Variants in DESI2 observed in about 807,000 individuals in gnomAD.
DESI2 encodes the protein desumoylating isopeptidase 2.
A neutral mutation model predicts 24.1 loss-of-function variants in DESI2; 10 were observed. That is an observed-to-expected ratio of 0.41 (90% CI 0.26 to 0.70). DESI2 has a LOEUF of 0.70. DESI2 is among the 30% of genes least tolerant of loss of function. The pLI is 0.29. For synonymous variants in DESI2, 71 were observed against 87.7 expected (o/e 0.81, Z 1.06); for missense variants, 122 against 234.9 (o/e 0.52, Z 3.14).
chr1:244,683,398 G>A (rs370866953), intron 1 of DESI2, among the ~76,000 whole-genome samples: 9 of 151,098 alleles, frequency 6.0e-5, no homozygotes, highest in South Asian at 4.2e-4. Flanking sequence ...TGCAAGCTCC[G>A]CCTCCCAGGT....
chr1:244,666,618 A>AG (rs1676055593), intron 1 of DESI2, among the ~76,000 whole-genome samples: 1 of 152,204 alleles, frequency 6.6e-6, no homozygotes, highest in South Asian at 2.1e-4. Flanking sequence ...GTGAACAAGA[A>AG]CTGTTTTAAT....
In DESI2 at chr1:244,683,360, G is replaced by A. The variant is rs547933542; in HGVS notation, c.43-3237G>A. 3.9e-5 allele frequency among the ~76,000 whole-genome samples: 6 copies of A among 151,946 alleles called. No individual in the cohort carries two copies. In the East Asian group the frequency reaches 1.2e-3, roughly 29 times the overall value. On this transcript the variant is annotated intron_variant, in intron 1 of 4. Transcript: ENST00000302550. ...AGAGTCTCGCTCTGTCGCCCAGGCT[G>A]GAGTGCAGTGGCGTGATCTCGGCTC... is the stretch of plus-strand genomic sequence containing the variant.
At chr1:244,685,903 G>C (rs1288522009) in intron 1 of DESI2, among the ~76,000 whole-genome samples, 1 of 152,036 alleles carries the variant, frequency 6.6e-6, no homozygotes, top group Non-Finnish European at 1.5e-5. Context: ...TATAACCTAT[G>C]TACATCCTCT....
At chr1:244,686,564 G>A (rs767647655) in intron 1 of DESI2, 33 bp from the exon 2 acceptor site, 7 of 1,394,790 alleles carry the variant, frequency 5.0e-6, no homozygotes, top group South Asian at 4.6e-5. Context: ...AAATGAACAG[G>A]TATTCTGAAT....
At chr1:244,699,688 A>AT (rs1677365635) in intron 4 of DESI2, among the ~76,000 whole-genome samples, 1 of 151,210 alleles carries the variant, frequency 6.6e-6, no homozygotes, top group Admixed American at 6.6e-5. Context: ...GTAGAGGACA[A>AT]TTTTTTAAAT....
At chr1:244,691,164 C>G (rs913742937) in intron 3 of DESI2, among the ~76,000 whole-genome samples, 5 of 152,262 alleles carry the variant, frequency 3.3e-5, no homozygotes, top group Admixed American at 6.5e-5. Context: ...TCTCGGCTCA[C>G]TGCAACCTCT....
At chr1:244,673,380 C>T (rs1453984357) in intron 1 of DESI2, among the ~76,000 whole-genome samples, 1 of 152,218 alleles carries the variant, frequency 6.6e-6, no homozygotes, top group African/African-American at 2.4e-5. Flanking sequence ...ATATTCTAAA[C>T]ATTTATTCAG....
intron 4 of DESI2, among the ~76,000 whole-genome samples, chr1:244,700,531 G>T (rs567206178): frequency 2.0e-5 from 3 of 152,158 alleles, no homozygotes; most frequent in African/African-American, 7.2e-5. Context: ...CCTCAGAACT[G>T]TTTCCTTCTA....
Position 244,698,322 on chromosome 1 carries a change from G to A in DESI2, c.351+6302G>A, listed in dbSNP as rs143185900. Among the ~76,000 whole-genome samples, 74 of 152,232 alleles carry A rather than the reference G, an allele frequency of 4.9e-4. 2 individuals carry two copies. In the East Asian group the frequency reaches 0.014, roughly 29 times the overall value. On this transcript the variant is annotated intron_variant, in intron 4 of 4. Transcript: ENST00000302550. ...ATATTTACTATGATTTTTGCCCATT[G>A]GAGCCTCTGGAAAAAGGAAGACATA...
intron 3 of DESI2, among the ~76,000 whole-genome samples, chr1:244,690,911 C>T (rs1168510700): frequency 2.0e-5 from 3 of 152,182 alleles, no homozygotes; most frequent in Non-Finnish European, 2.9e-5. Flanking sequence ...GATTTTCGCA[C>T]GTAAGTGCTA....
At chr1:244,690,582 G>A (rs1440696344) in intron 3 of DESI2, among the ~76,000 whole-genome samples, 1 of 151,954 alleles carries the variant, frequency 6.6e-6, no homozygotes, top group Non-Finnish European at 1.5e-5. Context: ...GTACATGCCT[G>A]TAATCCCAGC....
chr1:244,661,556 C>T (rs897005596), intron 1 of DESI2, among the ~76,000 whole-genome samples: 3 of 152,060 alleles, frequency 2.0e-5, no homozygotes, highest in Admixed American at 1.3e-4. Flanking sequence ...CTATCCCTCC[C>T]CGCTCCCCCC....
intron 1 of DESI2, among the ~76,000 whole-genome samples, chr1:244,669,618 C>T (rs995579112): frequency 1.3e-5 from 2 of 152,074 alleles, no homozygotes; most frequent in South Asian, 2.1e-4. Context: ...GCAGAGGTTG[C>T]GGTGAGCCAA....
At chr1:244,685,797 A>G (rs983668750) in intron 1 of DESI2, among the ~76,000 whole-genome samples, 1 of 152,230 alleles carries the variant, frequency 6.6e-6, no homozygotes, top group African/African-American at 2.4e-5. Context: ...TGTTTTGTTT[A>G]GTGAGCTCTT....
intron 1 of DESI2, among the ~76,000 whole-genome samples, chr1:244,679,781 C>T (rs993672515): frequency 9.5e-5 from 14 of 146,794 alleles, no homozygotes; most frequent in Non-Finnish European, 1.6e-4. Context: ...GCACAAGAAT[C>T]GCTCGAACCT....
At chr1:244,686,564 G>C in intron 1 of DESI2, 33 bp from the exon 2 acceptor site, 1 of 1,394,790 alleles carries the variant, frequency 7.2e-7, no homozygotes, top group Non-Finnish European at 1.0e-6. Flanking sequence ...AAATGAACAG[G>C]TATTCTGAAT....
At chr1:244,662,330 AATG>A (rs1436983329) in intron 1 of DESI2, among the ~76,000 whole-genome samples, 2 of 152,198 alleles carry the variant, frequency 1.3e-5, no homozygotes, top group Non-Finnish European at 2.9e-5. Flanking sequence ...TGTTATGAAT[AATG>A]GTGTGTGAAC....
intron 4 of DESI2, among the ~76,000 whole-genome samples, chr1:244,695,508 C>T (rs1303365276): frequency 1.3e-5 from 2 of 152,076 alleles, no homozygotes; most frequent in Non-Finnish European, 2.9e-5. Context: ...TAAAAATTAG[C>T]TGGGCGTGGT....
intron 1 of DESI2, among the ~76,000 whole-genome samples, chr1:244,654,902 T>C (rs2148775861): frequency 6.6e-6 from 1 of 152,314 alleles, no homozygotes; most frequent in Non-Finnish European, 1.5e-5. Context: ...CCTAGATTAT[T>C]AAACAAACCC....
Sources: allele counts gnomAD v4.1 joint callset (sites outside exome capture counted in the v4.1 genomes callset), GRCh38; gene constraint gnomAD v4.1.1; transcripts MANE v1.5; gene names NCBI Gene and HGNC (gene_info 2026-07-23, HGNC 2026-07-21).